DENND1B: variants seen among roughly 807,000 people sequenced by gnomAD.
DENND1B encodes DENN domain-containing protein 1B.
Under a neutral mutation model 90.1 loss-of-function variants are expected in DENND1B, and 59 were observed. That is an observed-to-expected ratio of 0.65 (90% CI 0.53 to 0.81). DENND1B has a LOEUF of 0.81. DENND1B is among the 40% of genes least tolerant of loss of function. The probability of loss-of-function intolerance (pLI) is 0.00; values close to 1 mark genes in which losing one functional copy is unlikely to be tolerated. For missense variants in DENND1B, 862 were observed against 912.6 expected (o/e 0.94, Z 0.71); for synonymous variants, 337 against 324.6 (o/e 1.04, Z -0.41).
chr1:197,600,985 G>GT (rs1676156263), intron 13 of DENND1B, among the ~76,000 whole-genome samples: 1 of 151,080 alleles, frequency 6.6e-6, no homozygotes, highest in African/African-American at 2.4e-5. Context: ...GACACACATG[G>GT]TTTTTTTCCC....
At chr1:197,705,684 G>C (rs1659459798) in intron 3 of DENND1B, among the ~76,000 whole-genome samples, 1 of 150,908 alleles carries the variant, frequency 6.6e-6, no homozygotes, top group African/African-American at 2.4e-5. Context: ...AGGAATAGGA[G>C]GTTTGTAATT....
chr1:197,732,682 A>T (rs1468505549), intron 2 of DENND1B, among the ~76,000 whole-genome samples: 1 of 152,190 alleles, frequency 6.6e-6, no homozygotes. Context: ...AGTGCATAAA[A>T]CCTTAATTAT....
chr1:197,606,466 G>A (rs1315703982), intron 13 of DENND1B: 1 of 151,228 alleles, frequency 6.6e-6, no homozygotes, highest in Non-Finnish European at 1.5e-5. Context: ...GACAAACAGT[G>A]TAGGTTTTCA....
chr1:197,743,325 A>G (rs937076299), intron 2 of DENND1B, among the ~76,000 whole-genome samples: 1 of 152,218 alleles, frequency 6.6e-6, no homozygotes, highest in Non-Finnish European at 1.5e-5. Context: ...GTGGTTTCCT[A>G]GTGCATATAA....
intron 13 of DENND1B, among the ~76,000 whole-genome samples, chr1:197,600,959 C>G (rs1676153459): frequency 6.6e-6 from 1 of 151,554 alleles, no homozygotes; most frequent in African/African-American, 2.4e-5. Context: ...AAGATAATGC[C>G]TTGCTGCACC....
At chr1:197,580,357 C>T (rs758515075) in intron 15 of DENND1B, among the ~76,000 whole-genome samples, 2 of 151,320 alleles carry the variant, frequency 1.3e-5, no homozygotes, top group Non-Finnish European at 2.9e-5. Flanking sequence ...CTCGGTCTCC[C>T]AGAGTGCTGG....
chr1:197,699,477 C>T (rs1658797871), intron 3 of DENND1B, among the ~76,000 whole-genome samples: 1 of 152,094 alleles, frequency 6.6e-6, no homozygotes, highest in Non-Finnish European at 1.5e-5. Context: ...AAGCTGGAAA[C>T]ATTCCCTTTG....
chr1:197,732,941 A>G (rs1393680721), intron 2 of DENND1B, among the ~76,000 whole-genome samples: 1 of 152,254 alleles, frequency 6.6e-6, no homozygotes, highest in African/African-American at 2.4e-5. Context: ...CTATGTATCA[A>G]CAGAATAGGT....
At chr1:197,759,342 A>G (rs1055517905) in intron 2 of DENND1B, among the ~76,000 whole-genome samples, 1 of 151,464 alleles carries the variant, frequency 6.6e-6, no homozygotes, top group Non-Finnish European at 1.5e-5. Flanking sequence ...GAAGCAAAAT[A>G]CAATTAAAAG....
At chr1:197,707,477 A>G (rs1182033942) in intron 3 of DENND1B, among the ~76,000 whole-genome samples, 2 of 151,516 alleles carry the variant, frequency 1.3e-5, no homozygotes, top group Non-Finnish European at 2.9e-5. Context: ...TATGCTGATT[A>G]CCCTGATTTG....
At chr1:197,751,960 GGGAGGA>G (rs1014085207) in intron 2 of DENND1B, among the ~76,000 whole-genome samples, 1 of 118,942 alleles carries the variant, frequency 8.4e-6, no homozygotes, top group Non-Finnish European at 1.8e-5. Flanking sequence ...GGAGGAAGGG[GGGAGGA>G]GGAGGAGAAG....
At chr1:197,735,917 G>T in intron 2 of DENND1B, 2 of 1,517,768 alleles carry the variant, frequency 1.3e-6, no homozygotes, top group Non-Finnish European at 1.8e-6. Context: ...TGGCCAAGAG[G>T]AATCAGAAAC....
intron 20 of DENND1B, among the ~76,000 whole-genome samples, chr1:197,535,166 G>GAATT (rs1352698492): frequency 2.6e-5 from 4 of 152,326 alleles, no homozygotes; most frequent in African/African-American, 7.2e-5. Flanking sequence ...TCTCAGGAGA[G>GAATT]AAGGCAACAT....
At chr1:197,536,994 T>C (rs564708606) in intron 20 of DENND1B, among the ~76,000 whole-genome samples, 8 of 150,758 alleles carry the variant, frequency 5.3e-5, no homozygotes, top group Admixed American at 5.3e-4. Flanking sequence ...TGAGCCGAGA[T>C]CGCACCACTG....
At position 197,585,189 on chromosome 1, in the gene DENND1B, G is replaced by A. The variant is rs3814320; in HGVS notation, c.1048-1936C>T. Among the ~76,000 whole-genome samples, 65 of 152,194 alleles carry A rather than the reference G, an allele frequency of 4.3e-4. No individual in the cohort carries two copies. In the East Asian group the frequency reaches 0.012, roughly 29 times the overall value. ...AGCATCATCCCTAGTTACACTGGGAGCCCGATAAATGTTTTATGACTGAAT... is the reference window on the plus strand; with the variant it reads ...AGCATCATCCCTAGTTACACTGGGAACCCGATAAATGTTTTATGACTGAAT... On this transcript the variant is annotated intron_variant, in intron 14 of 22. Transcript: ENST00000620048.
At chr1:197,771,752 C>T (rs1345325583) in intron 2 of DENND1B, among the ~76,000 whole-genome samples, 1 of 152,174 alleles carries the variant, frequency 6.6e-6, no homozygotes, top group Non-Finnish European at 1.5e-5. Context: ...TCAGTCTCCA[C>T]GAAACCCCTA....
intron 2 of DENND1B, among the ~76,000 whole-genome samples, chr1:197,733,547 G>C (rs142841697): frequency 2.0e-5 from 3 of 152,046 alleles, no homozygotes; most frequent in Admixed American, 6.6e-5. Context: ...TCTTCTCTTC[G>C]AGAACAAAAG....
chr1:197,631,676 G>C (rs1679338345), intron 10 of DENND1B, among the ~76,000 whole-genome samples: 2 of 151,674 alleles, frequency 1.3e-5, no homozygotes, highest in South Asian at 4.1e-4. Context: ...TAAATCTTTA[G>C]AGTTAACAAA....
At chr1:197,617,848 T>A in intron 10 of DENND1B, 89 bp from the exon 11 acceptor site, 1 of 845,918 alleles carries the variant, frequency 1.2e-6, no homozygotes, top group East Asian at 2.5e-5. Flanking sequence ...TGAACAGTAA[T>A]CACAGAACAA....
Sources: gnomAD v4.1 joint callset for allele counts (sites outside exome capture counted in the v4.1 genomes callset) on GRCh38, gnomAD v4.1.1 for gene constraint, MANE v1.5 for transcripts, NCBI Gene and HGNC (gene_info 2026-07-23, HGNC 2026-07-21) for gene names.